The following PTPRQ variants were observed in gnomAD, a reference collection of about 807,000 sequenced individuals.
PTPRQ encodes the protein phosphatidylinositol phosphatase PTPRQ.
A neutral mutation model predicts 246.0 loss-of-function variants in PTPRQ; 199 were observed. The observed-to-expected ratio is 0.81, with a 90% CI of 0.72 to 0.91. PTPRQ has a LOEUF of 0.91. Among genes scored for constraint, PTPRQ ranks in the 40% least tolerant of loss-of-function variants. The pLI is 0.00. For synonymous variants in PTPRQ, 869 were observed against 853.2 expected (o/e 1.02, Z -0.32); for missense variants, 2,624 against 2,528.4 (o/e 1.04, Z -0.81).
intron 25 of PTPRQ, among the ~76,000 whole-genome samples, chr12:80,559,280 G>A (rs193268922): frequency 6.6e-6 from 1 of 152,242 alleles, no homozygotes; most frequent in East Asian, 1.9e-4. Context: ...TCCTGATTTC[G>A]TGATCCGCCC....
intron 6 of PTPRQ, chr12:80,462,853 A>G (rs1893244712): frequency 6.7e-6 from 1 of 148,362 alleles, no homozygotes; most frequent in Admixed American, 6.8e-5. Flanking sequence ...CATCCACACC[A>G]AAAACCCATC....
chr12:80,549,111 T>C (rs369011439), intron 24 of PTPRQ, among the ~76,000 whole-genome samples: 94 of 152,118 alleles, frequency 6.2e-4, no homozygotes, highest in African/African-American at 2.2e-3. Context: ...TAATAAAGTA[T>C]TGCTAAGATT....
chr12:80,567,224 A>G (rs992717866), intron 25 of PTPRQ, among the ~76,000 whole-genome samples: 2 of 152,224 alleles, frequency 1.3e-5, no homozygotes, highest in Non-Finnish European at 2.9e-5. Context: ...AAAAATCTAC[A>G]TTTACAAAAT....
chr12:80,527,774 C>T (rs1433338606), intron 17 of PTPRQ, among the ~76,000 whole-genome samples: 2 of 151,872 alleles, frequency 1.3e-5, no homozygotes, highest in Non-Finnish European at 2.9e-5. Context: ...TGGCTTGATC[C>T]CAGGAGTCTG....
At chr12:80,583,991 AT>A (rs1019435495) in intron 25 of PTPRQ, 2 of 152,246 alleles carry the variant, frequency 1.3e-5, no homozygotes, top group African/African-American at 4.8e-5. Context: ...CAATAGAGAA[AT>A]TTTTGTACGT....
chr12:80,529,165 C>T (rs1406682277), intron 17 of PTPRQ, among the ~76,000 whole-genome samples: 1 of 151,998 alleles, frequency 6.6e-6, no homozygotes, highest in Non-Finnish European at 1.5e-5. Flanking sequence ...AGTACAACAT[C>T]GAAGAGTAGT....
At chr12:80,492,784 G>T (rs988116384) in intron 9 of PTPRQ, among the ~76,000 whole-genome samples, 1 of 151,876 alleles carries the variant, frequency 6.6e-6, no homozygotes, top group Non-Finnish European at 1.5e-5. Context: ...TTTTATTCTG[G>T]TATGTAACTT....
chr12:80,482,561 A>G (rs1186637763), intron 8 of PTPRQ, among the ~76,000 whole-genome samples: 1 of 150,630 alleles, frequency 6.6e-6, no homozygotes, highest in Non-Finnish European at 1.5e-5. Flanking sequence ...TGTACAGCAA[A>G]AGAAACTACC....
At chr12:80,517,001 T>C (rs1895320826) in intron 17 of PTPRQ, among the ~76,000 whole-genome samples, 1 of 152,162 alleles carries the variant, frequency 6.6e-6, no homozygotes, top group Admixed American at 6.5e-5. Context: ...GAATGCTCTT[T>C]AGGGCTTAAT....
rs1000261445 is a variant in PTPRQ at position 80,575,770 on chromosome 12, C to G, written c.4286-12359C>G. Among the ~76,000 whole-genome samples, 8 of 137,562 alleles carry G rather than the reference C, an allele frequency of 5.8e-5. No homozygotes were observed. In the Admixed American group the frequency reaches 6.5e-4, roughly 11 times the overall value. The allele number at this position is 137,562 out of a possible 152,430, so 90.2% of individuals were successfully genotyped here. ...GGGACAATTGGTTGAAATCAGGAGGCAGAGGTTGCAGTGAGCCAAGATCAT... is the reference window on the plus strand; with the variant it reads ...GGGACAATTGGTTGAAATCAGGAGGGAGAGGTTGCAGTGAGCCAAGATCAT... On this transcript the variant is annotated intron_variant, in intron 25 of 44. Transcript: ENST00000644991.
At chr12:80,514,900 CCTT>C (rs1273272345) in intron 17 of PTPRQ, among the ~76,000 whole-genome samples, 2 of 146,788 alleles carry the variant, frequency 1.4e-5, no homozygotes, top group East Asian at 3.9e-4. Context: ...AAAGGATAGA[CCTT>C]AACATATTCA....
At chr12:80,614,613 A>G (rs1356781521) in intron 29 of PTPRQ, among the ~76,000 whole-genome samples, 1 of 150,856 alleles carries the variant, frequency 6.6e-6, no homozygotes, top group Admixed American at 6.6e-5. Context: ...ATATCTTTAT[A>G]AAATAAATCT....
intron 6 of PTPRQ, among the ~76,000 whole-genome samples, chr12:80,467,238 CA>C (rs1393185970): frequency 6.6e-6 from 1 of 151,920 alleles, no homozygotes; most frequent in East Asian, 1.9e-4. Flanking sequence ...TTTATGCAGC[CA>C]AAAAACACAT....
rs749864893 is a variant in PTPRQ at position 80,616,209 on chromosome 12, G to C, written c.5173G>C (p.Val1725Leu). 1.4e-6 allele frequency: 2 copies of C among 1,481,174 alleles called. No individual in the cohort carries two copies. The highest frequency in any genetic ancestry group is 2.8e-5 in the South Asian group (2 of 72,288). 91.8% of individuals were successfully genotyped at this position (1,481,174 alleles called of 1,614,324 possible). A position where few individuals can be genotyped will look rare whatever the true frequency, so the allele number is the denominator to read the frequency against. The change falls in exon 30 of 45, where the codon GTC becomes CTC. Residue 1725 changes from valine (V) to leucine (L), a missense_variant. By Grantham distance (32) the Val-to-Leu change is conservative. Transcript: ENST00000644991. Reference sequence around the variant, plus strand: ...TATTTGTTTGTTTTAGGTTTACGCAGTCAATAGTGCTGGTGCAGGTCCAAA... The same window carrying C: ...TATTTGTTTGTTTTAGGTTTACGCACTCAATAGTGCTGGTGCAGGTCCAAA... ...GHTYNISVYA[V>L]NSAGAGPKVP...
intron 25 of PTPRQ, among the ~76,000 whole-genome samples, chr12:80,562,189 T>C (rs565571015): frequency 5.3e-5 from 8 of 152,296 alleles, no homozygotes; most frequent in African/African-American, 1.9e-4. Context: ...TGATTTCTAT[T>C]TGATGATATT....
At chr12:80,581,785 C>A in intron 25 of PTPRQ, among the ~76,000 whole-genome samples, 1 of 151,096 alleles carries the variant, frequency 6.6e-6, no homozygotes. Flanking sequence ...GCCATACACC[C>A]AATAGAAAAA....
At chr12:80,616,059 A>T in intron 29 of PTPRQ, 141 bp from the exon 30 acceptor site, 1 of 428,044 alleles carries the variant, frequency 2.3e-6, no homozygotes, top group Non-Finnish European at 3.4e-6. Flanking sequence ...ATTTAAAATT[A>T]CATGTAACCA....
At chr12:80,666,528 T>A (rs1592775841) in intron 39 of PTPRQ, among the ~76,000 whole-genome samples, 1 of 152,088 alleles carries the variant, frequency 6.6e-6, no homozygotes, top group East Asian at 1.9e-4. Context: ...CAATTTATTG[T>A]ATATTTTCAA....
At position 80,670,362 on chromosome 12, in the gene PTPRQ, G is replaced by T; in HGVS notation, c.6472G>T (p.Val2158Phe). 1 of 1,550,772 alleles carries T rather than the reference G, an allele frequency of 6.4e-7. No homozygotes were observed. The highest frequency in any genetic ancestry group is 1.2e-5 in the South Asian group (1 of 84,008). Residue 2158 changes from valine to phenylalanine, a missense_variant, in exon 42 of 45, where the codon GTT becomes TTT. Coordinates refer to ENST00000644991, the MANE Select transcript of PTPRQ (RefSeq NM_001145026.2). ...TGTCTAGCATGGGGATTGCATGACT[G>T]TTCGACAGTGTAACTTTACTGCCTG... Reference protein sequence around the residue: ...KIERHGDCMTVRQCNFTAWPE... With the variant: ...KIERHGDCMTFRQCNFTAWPE...
Sources: gnomAD v4.1 joint callset for allele counts (sites outside exome capture counted in the v4.1 genomes callset) on GRCh38, gnomAD v4.1.1 for gene constraint, MANE v1.5 for transcripts, NCBI Gene and HGNC (gene_info 2026-07-23, HGNC 2026-07-21) for gene names.